Variants in WDR93 observed in about 807,000 individuals in gnomAD.
The protein encoded by WDR93 is WD repeat-containing protein 93.
A neutral mutation model predicts 82.9 loss-of-function variants in WDR93; 73 were observed. The ratio of observed to expected loss-of-function variants is 0.88; its 90% confidence interval spans 0.73 to 1.07. WDR93 has a LOEUF of 1.07. Ranked by LOEUF, WDR93 falls within the 50% of genes least tolerant of loss-of-function variation. The pLI is 0.00. For synonymous variants in WDR93, 283 were observed against 300.1 expected (o/e 0.94, Z 0.59); for missense variants, 738 against 826.0 (o/e 0.89, Z 1.31).
intron 5 of WDR93, among the ~76,000 whole-genome samples, chr15:89,713,467 T>A (rs937120873): frequency 2.3e-5 from 3 of 131,148 alleles, no homozygotes; most frequent in Non-Finnish European, 3.3e-5. Context: ...GAGGAACATA[T>A]GCATTTTATT....
intron 1 of WDR93, among the ~76,000 whole-genome samples, chr15:89,695,924 A>T (rs1965148277): frequency 6.8e-6 from 1 of 147,358 alleles, no homozygotes; most frequent in South Asian, 2.1e-4. Context: ...TCAAGCGATT[A>T]TTGGTCCTCA....
intron 8 of WDR93, among the ~76,000 whole-genome samples, chr15:89,724,714 CA>C (rs1345162262): frequency 1.3e-5 from 2 of 152,160 alleles, no homozygotes; most frequent in African/African-American, 2.4e-5. Flanking sequence ...AAAAGGTGCT[CA>C]CCATCATTAG....
intron 1 of WDR93, among the ~76,000 whole-genome samples, chr15:89,692,946 A>C (rs536328466): frequency 2.4e-4 from 36 of 152,056 alleles, no homozygotes; most frequent in Admixed American, 7.9e-4. Flanking sequence ...CCTTTTTCAC[A>C]ATATCATATA....
In WDR93 at chr15:89,736,943, T is replaced by C. The variant is rs1477301982; in HGVS notation, c.1609-630T>C. The stretch of plus-strand genomic sequence containing the variant: ...AGTAGCTGGGACTACAGGTGCCCGC[T>C]AGCACGCCAGGCTAATTTTTTGTAT... On this transcript the variant is annotated intron_variant, in intron 14 of 16. Transcript: ENST00000268130. 5.9e-5 allele frequency among the ~76,000 whole-genome samples: 9 copies of C among 152,010 alleles called. No homozygotes were observed. In the South Asian group the frequency reaches 1.2e-3, roughly 21 times the overall value.
At position 89,731,552 on chromosome 15, in the gene WDR93, C is replaced by T; in HGVS notation, c.1320C>T (p.Asp440=). The T allele has an allele frequency of 3.7e-6, 6 of 1,614,144 alleles. No homozygotes were observed. The highest frequency in any genetic ancestry group is 4.2e-6 in the Non-Finnish European group (5 of 1,180,018). The change falls in exon 12 of 17, where the codon GAC becomes GAT. Residue 440 remains aspartate, a synonymous_variant. Transcript: ENST00000268130. ...ACEDGVLTLW[D]LAKGFPLGVA... is the part of the protein sequence containing the mutation. ...AGGATGGTGTGCTCACGCTGTGGGA[C>T]CTGGCCAAAGGTAAGTCCTCCCTGC...
intron 7 of WDR93, 96 bp downstream of exon 7, chr15:89,717,045 CTTTTTTTTTTT>C (rs11457156): frequency 1.7e-5 from 3 of 172,144 alleles, no homozygotes; most frequent in South Asian, 1.2e-4. Flanking sequence ...CTTTTTCTTT[CTTTTTTTTTTT>C]TTTTTTTTTT....
intron 9 of WDR93, among the ~76,000 whole-genome samples, chr15:89,728,343 G>A (rs1019618136): frequency 6.6e-6 from 1 of 152,160 alleles, no homozygotes; most frequent in Non-Finnish European, 1.5e-5. Flanking sequence ...AGCTACTGTG[G>A]ATCTCAGGAA....
chr15:89,724,249 G>A (rs955286736), intron 8 of WDR93, among the ~76,000 whole-genome samples: 3 of 152,096 alleles, frequency 2.0e-5, no homozygotes, highest in Non-Finnish European at 2.9e-5. Flanking sequence ...GGTTAAAGCG[G>A]GAGAATTGCT....
chr15:89,737,497 G>A, intron 14 of WDR93, 76 bp from the exon 15 acceptor site: 2 of 1,572,650 alleles, frequency 1.3e-6, no homozygotes, highest in East Asian at 2.2e-5. Context: ...TTCCTTACTG[G>A]GGTGACCTCT....
At chr15:89,717,888 G>C (rs1966332925) in intron 7 of WDR93, among the ~76,000 whole-genome samples, 1 of 152,166 alleles carries the variant, frequency 6.6e-6, no homozygotes, top group South Asian at 2.1e-4. Flanking sequence ...TTAGAGAACA[G>C]AGCAGTTTCC....
At chr15:89,726,866 C>A (rs1488487974) in intron 8 of WDR93, among the ~76,000 whole-genome samples, 1 of 151,924 alleles carries the variant, frequency 6.6e-6, no homozygotes, top group Non-Finnish European at 1.5e-5. Flanking sequence ...GCCCCACCGC[C>A]CCCCACACCC....
chr15:89,711,992 A>G, intron 4 of WDR93, 34 bp from the exon 5 acceptor site: 1 of 1,547,450 alleles, frequency 6.5e-7, no homozygotes, highest in Non-Finnish European at 8.9e-7. Context: ...TCAGCAGGCT[A>G]TGCCTACTCT....
At chr15:89,710,937 T>C (rs1457577876) in intron 4 of WDR93, among the ~76,000 whole-genome samples, 1 of 152,218 alleles carries the variant, frequency 6.6e-6, no homozygotes, top group East Asian at 1.9e-4. Context: ...AGAATTCTAA[T>C]AAATGCAGAA....
At chr15:89,723,488 T>C (rs1031363740) in intron 8 of WDR93, among the ~76,000 whole-genome samples, 2 of 152,122 alleles carry the variant, frequency 1.3e-5, no homozygotes, top group African/African-American at 4.8e-5. Flanking sequence ...AGGCGAAGAA[T>C]AGACAATTTT....
chr15:89,719,110 CAG>C (rs1163675254), intron 7 of WDR93, among the ~76,000 whole-genome samples: 2 of 151,858 alleles, frequency 1.3e-5, no homozygotes, highest in Non-Finnish European at 2.9e-5. Context: ...CATTTTGAAA[CAG>C]GGGCTCACTC....
chr15:89,742,502 C>T lies in WDR93; in HGVS notation c.1962-790C>T, dbSNP rs571504570. On this transcript the variant is annotated intron_variant, in intron 16 of 16. Coordinates refer to ENST00000268130, the MANE Select transcript of WDR93 (RefSeq NM_020212.2). ...GCTTCTCTGATTTTTCTGTAGTGAA[C>T]ATGCACTTATTATTTTTTTTTAAAC... 5.9e-5 allele frequency among the ~76,000 whole-genome samples: 9 copies of T among 152,184 alleles called. No individual in the cohort carries two copies. In the South Asian group the frequency reaches 6.2e-4, roughly 11 times the overall value.
intron 11 of WDR93, among the ~76,000 whole-genome samples, chr15:89,731,117 G>A (rs973892130): frequency 1.3e-5 from 2 of 151,956 alleles, no homozygotes; most frequent in African/African-American, 2.4e-5. Context: ...TATAAAATGG[G>A]GATACTAATA....
chr15:89,703,099 A>G lies in WDR93; in HGVS notation c.453A>G (p.Thr151=), dbSNP rs545323932. The stretch of plus-strand genomic sequence containing the variant: ...TTGATGTCACTTCCATCTGGGCCAC[A>G]GATTTAGGGAATGAAATACTCATTG... ...LKVDVTSIWA[T]DLGNEILIAP... Residue 151 remains threonine (T), a synonymous_variant, in exon 3 of 17, where the codon ACA becomes ACG. Coordinates refer to ENST00000268130, the MANE Select transcript of WDR93 (RefSeq NM_020212.2). 1 of 1,614,164 alleles carries G rather than the reference A, an allele frequency of 6.2e-7. No homozygotes were observed. Among genetic ancestry groups the G allele is most frequent in the Admixed American group, 1.7e-5 (1 of 60,018 alleles).
In WDR93 at chr15:89,729,011, T is replaced by C; in HGVS notation, c.1053-12T>C. On this transcript the variant is annotated splice_polypyrimidine_tract_variant and intron_variant, in intron 9 of 16. Coordinates refer to ENST00000268130, the MANE Select transcript of WDR93 (RefSeq NM_020212.2). ...TCTACATGGCTCTGACTCGTGTGTC[T>C]TTCTTTCCCAGTACGGCCACCTTCT... 1 of 1,613,714 alleles carries C rather than the reference T, an allele frequency of 6.2e-7. No homozygotes were observed. Among genetic ancestry groups the C allele is most frequent in the African/African-American group, 1.3e-5 (1 of 75,032 alleles).
Sources: allele counts gnomAD v4.1 joint callset (sites outside exome capture counted in the v4.1 genomes callset), GRCh38; gene constraint gnomAD v4.1.1; transcripts MANE v1.5; gene names NCBI Gene and HGNC (gene_info 2026-07-23, HGNC 2026-07-21).